The following SPRY4 variants were observed in gnomAD, a reference collection of about 807,000 sequenced individuals.
SPRY4 encodes the protein sprouty RTK signaling antagonist 4, also known as protein sprouty homolog 4.
SPRY4 carries 7 observed loss-of-function variants against 17.0 expected under a neutral mutation model. The ratio of observed to expected loss-of-function variants is 0.41; its 90% CI spans 0.23 to 0.77. The LOEUF is 0.77. SPRY4 is among the 30% of genes least tolerant of loss of function. SPRY4 has a pLI of 0.32. For missense variants in SPRY4, 435 were observed against 419.9 expected, an observed-to-expected ratio of 1.04 and a Z score of -0.31; for synonymous variants, 183 against 174.1, an observed-to-expected ratio of 1.05 and a Z score of -0.40.
chr5:142,324,757 C>G (rs1018006726), intron 1 of SPRY4, 87 bp downstream of exon 1: 1 of 152,732 alleles, frequency 6.5e-6, no homozygotes, highest in Non-Finnish European at 1.5e-5. Flanking sequence ...CTAGAAATAG[C>G]GCACCATTTG....
At chr5:142,322,977 G>A (rs1052485701) in intron 1 of SPRY4, among the ~76,000 whole-genome samples, 3 of 151,680 alleles carry the variant, frequency 2.0e-5, no homozygotes, top group Admixed American at 6.6e-5. Flanking sequence ...AGACAGAGAG[G>A]GAGAGAGAAA....
rs1759069164 is a variant in SPRY4 at position 142,314,594 on chromosome 5, G to T, written c.515C>A (p.Ser172Tyr). 1 of 1,614,238 alleles carries T rather than the reference G, an allele frequency of 6.2e-7. No individual in the cohort carries two copies. Among genetic ancestry groups the T allele is most frequent in the South Asian group, 1.1e-5 (1 of 91,086 alleles). The change falls in exon 2 of 2, where the codon TCC becomes TAC. Residue 172 changes from serine (S) to tyrosine (Y), a missense_variant. Physicochemically the swap from Ser to Tyr is moderately radical, Grantham distance 144. Coordinates refer to ENST00000434127, the MANE Select transcript of SPRY4 (RefSeq NM_001127496.3). This position sits in a 1 kb window ranked among gnomAD's most constrained non-coding sequence, Gnocchi z 4.8. ...CCAGCAGGAAGGCAACGTCCGGGGGGATGCACACTCCTTGCATTTACACTT... is the reference window on the plus strand; with the variant it reads ...CCAGCAGGAAGGCAACGTCCGGGGGTATGCACACTCCTTGCATTTACACTT... The part of the protein sequence containing the change: ...CGKCKCKECA[S>Y]PRTLPSCWVC...
chr5:142,313,854 A>C lies in SPRY4; in HGVS notation c.*355T>G. The C allele has an allele frequency of 5.5e-6, 1 of 183,080 alleles. No homozygotes were observed. The allele number at this position is 183,080 out of a possible 1,614,324, so 11.3% of individuals were successfully genotyped here. On this transcript the variant is annotated 3_prime_UTR_variant, in exon 2 of 2. Transcript: ENST00000434127. ...GGGGGGGCGGAGGGAGGGAGGGAGAAGGAGGGGCTGGGAAGGCATTCAAGC... is the reference window on the plus strand; with the variant it reads ...GGGGGGGCGGAGGGAGGGAGGGAGACGGAGGGGCTGGGAAGGCATTCAAGC...
chr5:142,316,413 A>G (rs551649131), intron 1 of SPRY4, among the ~76,000 whole-genome samples: 1 of 152,222 alleles, frequency 6.6e-6, no homozygotes, highest in Non-Finnish European at 1.5e-5. Context: ...TTAAAGAAAT[A>G]GCAGCAGAAG....
At position 142,314,433 on chromosome 5, in the gene SPRY4, A is replaced by G. The variant is rs1759056109; in HGVS notation, c.676T>C (p.Cys226Arg). 2 of 1,614,056 alleles carry G rather than the reference A, an allele frequency of 1.2e-6. No individual in the cohort carries two copies. The highest frequency in any genetic ancestry group is 2.2e-5 in the East Asian group (1 of 44,852). The change falls in exon 2 of 2, where the codon TGC becomes CGC. Residue 226 changes from cysteine to arginine, a missense_variant. Coordinates refer to ENST00000434127, the MANE Select transcript of SPRY4 (RefSeq NM_001127496.3). The surrounding 1 kb of genome is among the most constrained non-coding windows in gnomAD (Gnocchi z 4.8). ...CGGGCGCAGCAGTTGGAGCGGGAGCAGGAGCAGGGGTGGTCAGCGCAGGAG... is the reference window on the plus strand; with the variant it reads ...CGGGCGCAGCAGTTGGAGCGGGAGCGGGAGCAGGGGTGGTCAGCGCAGGAG... ...EGSCADHPCS[C>R]SRSNCCARWS...
chr5:142,323,671 A>C (rs1380968647), intron 1 of SPRY4, among the ~76,000 whole-genome samples: 2 of 151,992 alleles, frequency 1.3e-5, no homozygotes, highest in East Asian at 3.9e-4. Context: ...TCCTGCCCAC[A>C]ACCCCCTGCC....
intron 1 of SPRY4, chr5:142,316,962 G>C (rs1280718282): frequency 1.0e-6 from 1 of 982,274 alleles, no homozygotes; most frequent in Non-Finnish European, 1.2e-6. Context: ...TCCTGTCTTG[G>C]AGAAAGCCTA....
In SPRY4 at chr5:142,313,917, T is replaced by C; in HGVS notation, c.*292A>G. 1 of 409,234 alleles carries C rather than the reference T, an allele frequency of 2.4e-6. No individual in the cohort carries two copies. The highest frequency in any genetic ancestry group is 4.1e-5 in the South Asian group (1 of 24,372). 25.4% of individuals were successfully genotyped at this position (409,234 alleles called of 1,614,324 possible). ...CGGATATGTGTCCACATCTGTGTTC[T>C]GTCTTCTGAAAAAGAAAAATTTCCC... On this transcript the variant is annotated 3_prime_UTR_variant, in exon 2 of 2. Transcript: ENST00000434127.
Position 142,314,721 on chromosome 5 carries a change from G to T in SPRY4, c.388C>A (p.Arg130Ser). ...VADQASPRAV[R>S]IQPKVVHCQP... ...CAGTGGACCACCTTGGGCTGGATGC[G>T]CACAGCCCTTGGTGAGGCCTGGTCA... Residue 130 changes from arginine (R) to serine (S), a missense_variant, in exon 2 of 2, where the codon CGC becomes AGC. Arg to Ser is a moderately radical substitution (Grantham distance 110, BLOSUM62 -1). Coordinates refer to ENST00000434127, the MANE Select transcript of SPRY4 (RefSeq NM_001127496.3). The surrounding 1 kb of genome is among the most constrained non-coding windows in gnomAD (Gnocchi z 4.8). The T allele has an allele frequency of 6.2e-7, 1 of 1,612,628 alleles. No homozygotes were observed. Among genetic ancestry groups the T allele is most frequent in the Non-Finnish European group, 8.5e-7 (1 of 1,178,830 alleles).
At chr5:142,315,325 G>A in intron 1 of SPRY4, 170 bp from the exon 2 acceptor site, 1 of 576,944 alleles carries the variant, frequency 1.7e-6, no homozygotes, top group Non-Finnish European at 3.1e-6. Context: ...GATTAATAAT[G>A]ACAAGAAGTC....
intron 1 of SPRY4, among the ~76,000 whole-genome samples, chr5:142,321,164 C>A (rs9285656): frequency 6.6e-6 from 1 of 151,968 alleles, no homozygotes. Flanking sequence ...TCTTACATCA[C>A]GCAACACCCC....
intron 1 of SPRY4, chr5:142,317,530 T>C (rs1759197206): frequency 3.0e-6 from 3 of 985,208 alleles, no homozygotes; most frequent in Non-Finnish European, 3.6e-6. Flanking sequence ...TATTGCCCCA[T>C]ATAGTTGGGT....
rs528463342 is a variant in SPRY4, at chr5:142,314,202, C to G, written c.*7G>C. The G allele has an allele frequency of 1.6e-5, 26 of 1,600,844 alleles. No individual in the cohort carries two copies. In the South Asian group the frequency reaches 2.8e-4, roughly 17 times the overall value. On this transcript the variant is annotated 3_prime_UTR_variant, in exon 2 of 2. Transcript: ENST00000434127. The surrounding 1 kb of genome is among the most constrained non-coding windows in gnomAD (Gnocchi z 4.8). ...CAGGCAGAGCACTGGGGCTTCGACACAAACTGTCAGAAAGGCTTGTCGGGC... is the reference window on the plus strand; with the variant it reads ...CAGGCAGAGCACTGGGGCTTCGACAGAAACTGTCAGAAAGGCTTGTCGGGC...
chr5:142,316,260 C>T (rs892491728), intron 1 of SPRY4, among the ~76,000 whole-genome samples: 2 of 151,678 alleles, frequency 1.3e-5, no homozygotes, highest in African/African-American at 4.8e-5. Context: ...ACTGCAGTGC[C>T]TGACACGGAA....
In SPRY4 at chr5:142,311,068, G is replaced by A. The variant is rs1758890022; in HGVS notation, c.*3141C>T. ...CCTCACTCGAGGTATGATGGCGACT[G>A]ACAGGCTCCACAAGGCTGAAAAGAA... On this transcript the variant is annotated 3_prime_UTR_variant, in exon 2 of 2. Coordinates refer to ENST00000434127, the MANE Select transcript of SPRY4 (RefSeq NM_001127496.3). 6.6e-6 allele frequency: 1 copy of A among 152,196 alleles called. No individual in the cohort carries two copies. The allele number at this position is 152,196 out of a possible 1,614,324, so 9.4% of individuals were successfully genotyped here.
At chr5:142,315,750 G>A (rs1253349138) in intron 1 of SPRY4, 1 of 152,514 alleles carries the variant, frequency 6.6e-6, no homozygotes, top group Non-Finnish European at 1.5e-5. Flanking sequence ...GATTAAATGA[G>A]AAAATACTAT....
At chr5:142,322,490 AT>A (rs1009047599) in intron 1 of SPRY4, among the ~76,000 whole-genome samples, 3 of 134,712 alleles carry the variant, frequency 2.2e-5, no homozygotes, top group African/African-American at 7.6e-5. Flanking sequence ...AAAAATATAT[AT>A]ATATATATAT....
Position 142,314,588 on chromosome 5 carries a change from C to T in SPRY4, c.521G>A (p.Arg174Gln), listed in dbSNP as rs144353509. The T allele has an allele frequency of 2.3e-5, 37 of 1,614,088 alleles. No individual in the cohort carries two copies. In the Middle Eastern group the frequency reaches 8.2e-4, roughly 36 times the overall value. ...KCKCKECASP[R>Q]TLPSCWVCNQ... The stretch of plus-strand genomic sequence containing the variant: ...GCAGACCCAGCAGGAAGGCAACGTC[C>T]GGGGGGATGCACACTCCTTGCATTT... Residue 174 changes from arginine to glutamine, a missense_variant, in exon 2 of 2, where the codon CGG (arginine) becomes CAG (glutamine). By Grantham distance (43) the Arg-to-Gln change is conservative. Transcript: ENST00000434127. This position sits in a 1 kb window ranked among gnomAD's most constrained non-coding sequence, Gnocchi z 4.8.
chr5:142,318,202 A>T, intron 1 of SPRY4: 1 of 984,796 alleles, frequency 1.0e-6, no homozygotes, highest in Non-Finnish European at 1.2e-6. Flanking sequence ...AAAAGAAAGA[A>T]GGCCTGGCGC....
Sources: gnomAD v4.1 joint callset for allele counts (sites outside exome capture counted in the v4.1 genomes callset) on GRCh38, gnomAD v4.1.1 for gene constraint, Gnocchi (gnomAD v3.1) non-coding constraint, MANE v1.5 for transcripts, NCBI Gene and HGNC (gene_info 2026-07-23, HGNC 2026-07-21) for gene names.